The following POC1A variants were observed in gnomAD, a reference collection of about 807,000 sequenced individuals.
The protein encoded by POC1A is POC1 centriolar protein A.
In POC1A, 34 loss-of-function variants were observed where a neutral mutation model predicts 47.8. The observed-to-expected ratio is 0.71, with a 90% CI of 0.54 to 0.95. The LOEUF is 0.95. Ranked by LOEUF, POC1A falls within the 40% of genes least tolerant of loss-of-function variation. The probability of loss-of-function intolerance (pLI) is 0.00; values close to 1 mark genes in which losing one functional copy is unlikely to be tolerated. For missense variants in POC1A, 466 were observed against 528.3 expected (o/e 0.88, Z 1.16); for synonymous variants, 177 against 207.6 (o/e 0.85, Z 1.27).
chr3:52,149,520 C>A, intron 3 of POC1A, 131 bp from the exon 4 acceptor site: 2 of 784,152 alleles, frequency 2.6e-6, no homozygotes, highest in Non-Finnish European at 2.1e-6. Context: ...CCAGTCTCCA[C>A]AAGGGAAAGC....
chr3:52,152,098 A>G (rs1577933294), intron 1 of POC1A, among the ~76,000 whole-genome samples: 1 of 151,972 alleles, frequency 6.6e-6, no homozygotes, highest in Non-Finnish European at 1.5e-5. Flanking sequence ...ACACAGCAAG[A>G]CCCTGACCCT....
At chr3:52,150,884 G>A (rs879565139) in intron 2 of POC1A, 132 bp downstream of exon 2, 3 of 744,000 alleles carry the variant, frequency 4.0e-6, no homozygotes, top group Non-Finnish European at 6.8e-6. Flanking sequence ...GCAAGCAGAA[G>A]CAAGACTAGA....
At chr3:52,081,358 A>G (rs1406886300) in intron 10 of POC1A, among the ~76,000 whole-genome samples, 1 of 152,062 alleles carries the variant, frequency 6.6e-6, no homozygotes, top group Non-Finnish European at 1.5e-5. Flanking sequence ...CCCTTACTCA[A>G]ACTCTCACAA....
At position 52,075,890 on chromosome 3, in the gene POC1A, T is replaced by C. The variant is rs1702099965; in HGVS notation, c.1221A>G (p.Pro407=). 3.1e-6 allele frequency: 5 copies of C among 1,611,010 alleles called. No homozygotes were observed. In the African/African-American group the frequency reaches 4.0e-5, roughly 13 times the overall value. Reference sequence around the variant, plus strand: ...CTCCTGATTCCTGCTCCCCTGATCATGGTGTTGCTCTCTGCATGATTAGCT... The same window carrying C: ...CTCCTGATTCCTGCTCCCCTGATCACGGTGTTGCTCTCTGCATGATTAGCT... ...NQQLIMQRAT[P] Residue 407 remains proline, a synonymous_variant, in exon 11 of 11, where the codon CCA becomes CCG. Coordinates refer to ENST00000296484, the MANE Select transcript of POC1A (RefSeq NM_015426.5).
chr3:52,117,465 C>T (rs1481021641), intron 9 of POC1A, among the ~76,000 whole-genome samples: 2 of 152,212 alleles, frequency 1.3e-5, no homozygotes, highest in Non-Finnish European at 2.9e-5. Context: ...AAGAGAAAAC[C>T]GTGCCTCACA....
Position 52,145,936 on chromosome 3 carries a change from G to T in POC1A, c.589C>A (p.Pro197Thr). ...GCAGCGGCAATGCACGTCCCACTGG[G>T]GTGGAAGTCCACATAGGTGACAAAG... ...GGFVTYVDFHPSGTCIAAAGM... is the reference protein window; with the variant it reads ...GGFVTYVDFHTSGTCIAAAGM... Residue 197 changes from proline to threonine, a missense_variant, in exon 6 of 11, where the codon CCC (proline) becomes ACC (threonine). Pro to Thr is a conservative substitution (Grantham distance 38, BLOSUM62 -1). Transcript: ENST00000296484. 6.2e-7 allele frequency: 1 copy of T among 1,613,320 alleles called. No homozygotes were observed. The highest frequency in any genetic ancestry group is 8.5e-7 in the Non-Finnish European group (1 of 1,179,358).
At chr3:52,128,088 G>A (rs886315798) in intron 7 of POC1A, among the ~76,000 whole-genome samples, 2 of 152,170 alleles carry the variant, frequency 1.3e-5, no homozygotes, top group Admixed American at 6.5e-5. Flanking sequence ...GAAAAACAAA[G>A]AGGAAACAGA....
intron 7 of POC1A, among the ~76,000 whole-genome samples, chr3:52,126,860 T>A (rs1704023225): frequency 6.6e-6 from 1 of 152,208 alleles, no homozygotes; most frequent in Admixed American, 6.5e-5. Context: ...GGGCATGGCC[T>A]CAGGACCCAA....
intron 10 of POC1A, among the ~76,000 whole-genome samples, chr3:52,086,781 C>T (rs1171486118): frequency 1.3e-5 from 2 of 152,254 alleles, no homozygotes; most frequent in Non-Finnish European, 2.9e-5. Flanking sequence ...ACAAACGATG[C>T]CCCTCGAGCA....
intron 9 of POC1A, among the ~76,000 whole-genome samples, chr3:52,117,650 T>C (rs1577868183): frequency 1.3e-5 from 2 of 152,116 alleles, no homozygotes; most frequent in Admixed American, 6.5e-5. Context: ...TCAAGGTTAA[T>C]GTGTGAACCG....
chr3:52,085,018 T>C lies in POC1A; in HGVS notation c.1126-9033A>G, dbSNP rs372019214. 7.2e-5 allele frequency among the ~76,000 whole-genome samples: 11 copies of C among 152,298 alleles called. No homozygotes were observed. The East Asian group carries it at 1.5e-3, about 21-fold the overall frequency. ...CAGGAGATAAGGCACCAGTGGCTGA[T>C]GGGGCAAGATGGAAAGCCACACTGA... On this transcript the variant is annotated intron_variant, in intron 10 of 10. Transcript: ENST00000296484.
chr3:52,108,103 T>C (rs1335540768), intron 9 of POC1A, among the ~76,000 whole-genome samples: 1 of 152,236 alleles, frequency 6.6e-6, no homozygotes, highest in Admixed American at 6.5e-5. Flanking sequence ...TTATAAATAC[T>C]GGACACCACC....
At chr3:52,132,076 AT>A (rs1391626631) in intron 7 of POC1A, among the ~76,000 whole-genome samples, 2 of 152,210 alleles carry the variant, frequency 1.3e-5, no homozygotes, top group Non-Finnish European at 2.9e-5. Flanking sequence ...AAAGGGATTA[AT>A]ATCTATGAGG....
chr3:52,094,124 C>T (rs1409153107), intron 10 of POC1A, among the ~76,000 whole-genome samples: 2 of 152,216 alleles, frequency 1.3e-5, no homozygotes, highest in Non-Finnish European at 2.9e-5. Flanking sequence ...CAGAGGAGAA[C>T]AGCACAATTC....
At chr3:52,094,379 G>A (rs1273359354) in intron 10 of POC1A, among the ~76,000 whole-genome samples, 1 of 152,264 alleles carries the variant, frequency 6.6e-6, no homozygotes, top group African/African-American at 2.4e-5. Flanking sequence ...ACCATCCAGA[G>A]CGGGGCCTGC....
chr3:52,082,047 C>T (rs933365171), intron 10 of POC1A, among the ~76,000 whole-genome samples: 1 of 151,986 alleles, frequency 6.6e-6, no homozygotes, highest in African/African-American at 2.4e-5. Context: ...TATGAGGACC[C>T]CCAAGAATGT....
intron 10 of POC1A, among the ~76,000 whole-genome samples, chr3:52,087,131 C>A (rs1374533093): frequency 6.6e-6 from 1 of 152,196 alleles, no homozygotes; most frequent in Non-Finnish European, 1.5e-5. Context: ...CAGGCCCCAC[C>A]AGCTAGTCTT....
intron 10 of POC1A, among the ~76,000 whole-genome samples, chr3:52,085,272 C>T (rs1037050226): frequency 3.3e-5 from 5 of 152,156 alleles, no homozygotes; most frequent in Admixed American, 6.5e-5. Flanking sequence ...AGGCAGGGCT[C>T]GAGGCACTTC....
rs183292875 is a variant in POC1A at position 52,091,541 on chromosome 3, A to C, written c.1125+5028T>G. Among the ~76,000 whole-genome samples, 19 of 152,158 alleles carry C rather than the reference A, an allele frequency of 1.2e-4. No individual in the cohort carries two copies. The East Asian group carries it at 3.7e-3, about 29-fold the overall frequency. The stretch of plus-strand genomic sequence containing the variant: ...GCCTGATTTTCAAGTGTCTATGTGC[A>C]CCCCAGTGCCTCTGTCACCTCCTGT... On this transcript the variant is annotated intron_variant, in intron 10 of 10. Transcript: ENST00000296484.
Sources: allele counts gnomAD v4.1 joint callset (sites outside exome capture counted in the v4.1 genomes callset), GRCh38; gene constraint gnomAD v4.1.1; transcripts MANE v1.5; gene names NCBI Gene and HGNC (gene_info 2026-07-23, HGNC 2026-07-21).